Variants in WDR59 observed in about 807,000 individuals in gnomAD.
WDR59 encodes the protein GATOR2 complex protein WDR59.
WDR59 carries 100 observed loss-of-function variants against 131.2 expected under a neutral mutation model. The ratio of observed to expected loss-of-function variants is 0.76; its 90% CI spans 0.65 to 0.90. The LOEUF (loss-of-function observed/expected upper bound fraction) is 0.90. WDR59 is among the 40% of genes least tolerant of loss of function. WDR59 has a pLI of 0.00. For synonymous variants in WDR59, 601 were observed against 466.2 expected, an observed-to-expected ratio of 1.29 and a Z score of -3.72; for missense variants, 1,203 against 1,262.2, an observed-to-expected ratio of 0.95 and a Z score of 0.71.
At chr16:74,954,931 G>A (rs769953451) in intron 3 of WDR59, among the ~76,000 whole-genome samples, 3 of 152,184 alleles carry the variant, frequency 2.0e-5, no homozygotes, top group East Asian at 1.9e-4. Flanking sequence ...GAGACAGAGC[G>A]CAGACTGGTG....
chr16:74,909,754 T>C, intron 15 of WDR59, 68 bp downstream of exon 15: 1 of 1,582,292 alleles, frequency 6.3e-7, no homozygotes, highest in South Asian at 1.2e-5. Context: ...AAACCCATGA[T>C]TTTAGGGAGA....
intron 18 of WDR59, among the ~76,000 whole-genome samples, chr16:74,901,724 C>T (rs923705178): frequency 6.6e-6 from 1 of 150,586 alleles, no homozygotes; most frequent in Non-Finnish European, 1.5e-5. Context: ...ATTTCCAGAA[C>T]AAAAGCAACA....
intron 21 of WDR59, 42 bp downstream of exon 21, chr16:74,889,661 G>A: frequency 6.5e-7 from 1 of 1,528,464 alleles, no homozygotes; most frequent in Middle Eastern, 1.7e-4. Context: ...GACCAAAAAT[G>A]GACATCACTC....
At chr16:74,910,313 C>G (rs534487043) in intron 14 of WDR59, among the ~76,000 whole-genome samples, 1 of 152,120 alleles carries the variant, frequency 6.6e-6, no homozygotes, top group Non-Finnish European at 1.5e-5. Context: ...AAGGGTGATG[C>G]TGGGAGCCAG....
intron 17 of WDR59, among the ~76,000 whole-genome samples, chr16:74,908,081 T>C (rs11149781): frequency 0.36 from 53,966 of 151,710 alleles, 9,563 homozygotes; most frequent in African/African-American, 0.39. Flanking sequence ...CATGATTCTC[T>C]CTAAAACAGG....
At chr16:74,910,581 G>A (rs1339833481) in intron 14 of WDR59, among the ~76,000 whole-genome samples, 1 of 152,158 alleles carries the variant, frequency 6.6e-6, no homozygotes, top group Admixed American at 6.5e-5. Context: ...ATACTCACTG[G>A]CCTGGATTGA....
intron 13 of WDR59, among the ~76,000 whole-genome samples, chr16:74,913,547 T>C (rs1006948174): frequency 2.0e-5 from 3 of 152,124 alleles, no homozygotes; most frequent in Non-Finnish European, 4.4e-5. Flanking sequence ...CACCTTGGCC[T>C]CCTAAAGTGC....
chr16:74,959,432 AG>A (rs1321317563), intron 2 of WDR59: 1 of 393,872 alleles, frequency 2.5e-6, no homozygotes, highest in African/African-American at 2.2e-5. Context: ...CAGTCACCGG[AG>A]GAAACCTGAA....
intron 25 of WDR59, among the ~76,000 whole-genome samples, chr16:74,882,498 C>T (rs761838939): frequency 1.2e-4 from 18 of 151,994 alleles, no homozygotes; most frequent in South Asian, 2.1e-4. Flanking sequence ...TCTGGGAGGC[C>T]GAGGCAGGCA....
rs760970654 is a variant in WDR59 at position 74,951,563 on chromosome 16, G to T, written c.241-20C>A. ...GTTACTCTGAAAAGAAAGGAAAGAA[G>T]GCCACAGGCAAGTATGTTGGGATAT... On this transcript the variant is annotated intron_variant, in intron 3 of 25. Transcript: ENST00000262144. 45 of 1,569,352 alleles carry T rather than the reference G, an allele frequency of 2.9e-5. No homozygotes were observed. The South Asian group carries it at 4.9e-4, about 17-fold the overall frequency.
At chr16:74,912,537 C>T (rs1221100669) in intron 13 of WDR59, among the ~76,000 whole-genome samples, 175 bp from the exon 14 acceptor site, 2 of 152,164 alleles carry the variant, frequency 1.3e-5, no homozygotes, top group African/African-American at 4.8e-5. Flanking sequence ...AATTTTCATA[C>T]CAGATTCTTA....
At chr16:74,906,358 G>C (rs4405579) in intron 17 of WDR59, among the ~76,000 whole-genome samples, 51,226 of 128,264 alleles carry the variant, frequency 0.4, 9,524 homozygotes, top group Middle Eastern at 0.45. Context: ...ACTCACAACA[G>C]AATGGCTAAA....
At chr16:74,945,931 C>T (rs564064884) in intron 6 of WDR59, among the ~76,000 whole-genome samples, 1 of 151,872 alleles carries the variant, frequency 6.6e-6, no homozygotes, top group South Asian at 2.1e-4. Context: ...AATTCTCCTG[C>T]CTCAGCCTCC....
chr16:74,924,735 A>G (rs1263069776), intron 8 of WDR59, among the ~76,000 whole-genome samples: 2 of 152,230 alleles, frequency 1.3e-5, no homozygotes, highest in Non-Finnish European at 2.9e-5. Flanking sequence ...GCTTAAGTTT[A>G]GGAAATTTTT....
Position 74,877,602 on chromosome 16 carries a change from T to C in WDR59, c.2690-3158A>G, listed in dbSNP as rs559962985. 2.8e-4 allele frequency among the ~76,000 whole-genome samples: 42 copies of C among 152,292 alleles called. No homozygotes were observed. The South Asian group carries it at 6.4e-3, about 23-fold the overall frequency. ...TCTTGTCACCCAGGCTGGAGTGCAATGGTGCGATCTCAGCTCACTGCAACC... is the reference window on the plus strand; with the variant it reads ...TCTTGTCACCCAGGCTGGAGTGCAACGGTGCGATCTCAGCTCACTGCAACC... On this transcript the variant is annotated intron_variant, in intron 25 of 25. Transcript: ENST00000262144.
chr16:74,924,023 A>T lies in WDR59; in HGVS notation c.652-20T>A. 1 of 1,610,458 alleles carries T rather than the reference A, an allele frequency of 6.2e-7. No individual in the cohort carries two copies. The highest frequency in any genetic ancestry group is 1.1e-5 in the South Asian group (1 of 89,926). On this transcript the variant is annotated intron_variant, in intron 8 of 25. Coordinates refer to ENST00000262144, the MANE Select transcript of WDR59 (RefSeq NM_030581.4). ...CCAGAACTAGAAGAGAGCAAGCAAG[A>T]TCATTTGTGAAATAAATGCCATTAA... is the stretch of plus-strand genomic sequence containing the variant.
At chr16:74,975,371 A>C in intron 1 of WDR59, among the ~76,000 whole-genome samples, 1 of 151,326 alleles carries the variant, frequency 6.6e-6, no homozygotes, top group East Asian at 1.9e-4. Context: ...AAAACAACAA[A>C]AAAAAACAAG....
chr16:74,886,542 T>C (rs1597639715), intron 23 of WDR59, 146 bp from the exon 24 acceptor site: 9 of 1,120,272 alleles, frequency 8.0e-6, no homozygotes, highest in Non-Finnish European at 9.7e-6. Flanking sequence ...TATAACTAAA[T>C]AGAACTCTCT....
chr16:74,916,097 C>G, intron 12 of WDR59, 30 bp downstream of exon 12: 1 of 1,614,146 alleles, frequency 6.2e-7, no homozygotes, highest in Non-Finnish European at 8.5e-7. Flanking sequence ...AGAGTGGCAC[C>G]TTACCTGAGA....
Sources: allele counts gnomAD v4.1 joint callset (sites outside exome capture counted in the v4.1 genomes callset), GRCh38; gene constraint gnomAD v4.1.1; transcripts MANE v1.5; gene names NCBI Gene and HGNC (gene_info 2026-07-23, HGNC 2026-07-21).